The following PPFIA4 variants were observed in gnomAD, a reference collection of about 807,000 sequenced individuals.
PPFIA4 encodes liprin-alpha-4.
In PPFIA4, 98 loss-of-function variants were observed where a neutral mutation model predicts 145.7. That is an observed-to-expected ratio of 0.67 (90% CI 0.57 to 0.80). PPFIA4 has a LOEUF of 0.80. PPFIA4 is among the 30% of genes least tolerant of loss of function. PPFIA4 has a pLI of 0.00. For missense variants in PPFIA4, 1,457 were observed against 1,632.7 expected, an observed-to-expected ratio of 0.89 and a Z score of 1.85; for synonymous variants, 628 against 649.6, an observed-to-expected ratio of 0.97 and a Z score of 0.51.
At position 203,043,513 on chromosome 1, in the gene PPFIA4, C is replaced by A. The variant is rs970483946; in HGVS notation, c.336+15C>A. 1 of 1,596,502 alleles carries A rather than the reference C, an allele frequency of 6.3e-7. No individual in the cohort carries two copies. Among genetic ancestry groups the A allele is most frequent in the Admixed American group, 1.7e-5 (1 of 57,466 alleles). On this transcript the variant is annotated intron_variant, in intron 3 of 29. Coordinates refer to ENST00000295706, the MANE Select transcript of PPFIA4 (RefSeq NM_001304331.2). The surrounding 1 kb of genome is among the most constrained non-coding windows in gnomAD (Gnocchi z 4.4). The stretch of plus-strand genomic sequence containing the variant: ...ATAACACACGGGTAAGTGGGGATGA[C>A]CTTGTGTCGCGCGCGCGCACGTGTG...
In PPFIA4 at chr1:203,060,001, C is replaced by T. The variant is rs539355707; in HGVS notation, c.2583+150C>T. ...CCTAGCATTTAGCCCCCCTCCCCCTCCCCAACACACACACATACCAGTCGC... is the reference window on the plus strand; with the variant it reads ...CCTAGCATTTAGCCCCCCTCCCCCTTCCCAACACACACACATACCAGTCGC... On this transcript the variant is annotated intron_variant, in intron 21 of 29. Coordinates refer to ENST00000295706, the MANE Select transcript of PPFIA4 (RefSeq NM_001304331.2). The surrounding 1 kb of genome is among the most constrained non-coding windows in gnomAD (Gnocchi z 4.8). 5.7e-5 allele frequency: 45 copies of T among 788,550 alleles called. 1 individual carries two copies. In the African/African-American group the frequency reaches 7.0e-4, roughly 12 times the overall value. 48.8% of individuals were successfully genotyped at this position (788,550 alleles called of 1,614,324 possible).
chr1:203,045,045 A>G (rs998546001), intron 6 of PPFIA4, among the ~76,000 whole-genome samples: 5 of 152,194 alleles, frequency 3.3e-5, no homozygotes, highest in Non-Finnish European at 5.9e-5. Context: ...CTCATGTGGC[A>G]GCATCAGGCA....
chr1:203,054,953 C>T (rs920250338), intron 15 of PPFIA4, among the ~76,000 whole-genome samples: 5 of 152,118 alleles, frequency 3.3e-5, no homozygotes, highest in Admixed American at 2.6e-4. Context: ...TGTGCATGCA[C>T]TCCTTGCTGA....
rs1660273878 is a variant in PPFIA4, at chr1:203,048,772, G to T, written c.1356+58G>T. The T allele has an allele frequency of 6.4e-7, 1 of 1,567,208 alleles. No homozygotes were observed. The highest frequency in any genetic ancestry group is 8.7e-7 in the Non-Finnish European group (1 of 1,152,808). On this transcript the variant is annotated intron_variant, in intron 11 of 29. Coordinates refer to ENST00000295706, the MANE Select transcript of PPFIA4 (RefSeq NM_001304331.2). This position sits in a 1 kb window ranked among gnomAD's most constrained non-coding sequence, Gnocchi z 5.8. ...GTTAGTGCTGGGTGTGGGGCGGGGG[G>T]AGGCGGGACTGTGATGGGCGCAGGC...
At chr1:203,059,535 A>G (rs188587327) in intron 20 of PPFIA4, among the ~76,000 whole-genome samples, 1 of 152,314 alleles carries the variant, frequency 6.6e-6, no homozygotes, top group East Asian at 1.9e-4. Flanking sequence ...CTCTAAGTCA[A>G]TGTCAGGTCA....
At position 203,032,430 on chromosome 1, in the gene PPFIA4, T is replaced by TTTTTTTTTTTTTTG. The variant is rs57892403; in HGVS notation, c.-400+5803_-400+5804insTTTTTTTTTTTGTT. ...CTTGTAGTTCTCCCTTCCCCGCTTT[T>TTTTTTTTTTTTTTG]TTGTTGTTGTTGTTGTTTTTGAAAT... On this transcript the variant is annotated intron_variant, in intron 1 of 29. Coordinates refer to ENST00000295706, the MANE Select transcript of PPFIA4 (RefSeq NM_001304331.2). Among the ~76,000 whole-genome samples, 63 of 139,434 alleles carry TTTTTTTTTTTTTTG rather than the reference T, an allele frequency of 4.5e-4. 1 individual carries two copies. Among genetic ancestry groups the TTTTTTTTTTTTTTG allele is most frequent in the South Asian group, 2.3e-3 (10 of 4,298 alleles). 91.5% of individuals were successfully genotyped at this position (139,434 alleles called of 152,430 possible). A position where few individuals can be genotyped will look rare whatever the true frequency, so the allele number is the denominator to read the frequency against.
At chr1:203,064,822 C>G (rs1034493684) in intron 25 of PPFIA4, among the ~76,000 whole-genome samples, 6 of 152,232 alleles carry the variant, frequency 3.9e-5, no homozygotes, top group Non-Finnish European at 7.3e-5. Context: ...GCCTGCTTCT[C>G]TCACTTGTGT....
intron 27 of PPFIA4, among the ~76,000 whole-genome samples, chr1:203,071,011 G>T (rs1196063317): frequency 1.3e-5 from 2 of 150,960 alleles, no homozygotes; most frequent in East Asian, 3.9e-4. Flanking sequence ...TGGAGTGCAG[G>T]TGTGATCATA....
At chr1:203,046,933 A>G (rs1660129466) in intron 9 of PPFIA4, among the ~76,000 whole-genome samples, 1 of 152,236 alleles carries the variant, frequency 6.6e-6, no homozygotes, top group Non-Finnish European at 1.5e-5. Context: ...TTTAATGGAT[A>G]CTTTATGAAG....
intron 8 of PPFIA4, 82 bp downstream of exon 8, chr1:203,046,069 G>A: frequency 6.3e-7 from 1 of 1,593,136 alleles, no homozygotes; most frequent in Non-Finnish European, 8.6e-7. Flanking sequence ...GATGGCTGAG[G>A]AGCCCCTGGG....
chr1:203,074,114 G>C (rs186368508), intron 28 of PPFIA4, among the ~76,000 whole-genome samples: 1 of 152,150 alleles, frequency 6.6e-6, no homozygotes, highest in African/African-American at 2.4e-5. Flanking sequence ...AAGGGAAGGA[G>C]GTGAGAAAAG....
chr1:203,053,549 A>G (rs887354995), intron 14 of PPFIA4, among the ~76,000 whole-genome samples: 8 of 105,518 alleles, frequency 7.6e-5, no homozygotes, highest in Non-Finnish European at 1.7e-4. Flanking sequence ...CAAACAAACC[A>G]AAAACCAAAA....
intron 28 of PPFIA4, among the ~76,000 whole-genome samples, chr1:203,072,536 G>T (rs1305240134): frequency 6.6e-6 from 1 of 152,128 alleles, no homozygotes; most frequent in African/African-American, 2.4e-5. Flanking sequence ...GCCCCTCCTT[G>T]GCCCCCGCCT....
At chr1:203,062,174 T>C (rs185272530) in intron 24 of PPFIA4, among the ~76,000 whole-genome samples, 1 of 151,698 alleles carries the variant, frequency 6.6e-6, no homozygotes, top group East Asian at 1.9e-4. Context: ...ACCATGTCAA[T>C]AGGGATAAAA....
At chr1:203,053,051 T>C (rs982529511) in intron 14 of PPFIA4, among the ~76,000 whole-genome samples, 1 of 152,246 alleles carries the variant, frequency 6.6e-6, no homozygotes, top group Non-Finnish European at 1.5e-5. Context: ...CAGCTATCTA[T>C]GAGGTAAGTA....
At chr1:203,036,565 A>C (rs1202320886) in intron 1 of PPFIA4, among the ~76,000 whole-genome samples, 1 of 148,486 alleles carries the variant, frequency 6.7e-6, no homozygotes, top group African/African-American at 2.5e-5. Flanking sequence ...GTGGGGGAAG[A>C]TGGGGAGGTG....
rs1659880792 is a variant in PPFIA4 at position 203,043,955 on chromosome 1, C to T, written c.361C>T (p.Leu121=). 6.2e-7 allele frequency: 1 copy of T among 1,609,050 alleles called. No individual in the cohort carries two copies. The highest frequency in any genetic ancestry group is 1.1e-5 in the South Asian group (1 of 90,632). Residue 121 remains leucine, a synonymous_variant, in exon 4 of 30, where the codon CTG becomes TTG. Coordinates refer to ENST00000295706, the MANE Select transcript of PPFIA4 (RefSeq NM_001304331.2). The surrounding 1 kb of genome is among the most constrained non-coding windows in gnomAD (Gnocchi z 4.4). The stretch of plus-strand genomic sequence containing the variant: ...GCTGCTTCTGGAACATCTGGAGTGC[C>T]TGGTGTCCCGCCATGAACGGTCACT... ...TRLLLEHLEC[L]VSRHERSLRM... is the part of the protein sequence containing the mutation.
In PPFIA4 at chr1:203,048,923, G is replaced by A. The variant is rs758860676; in HGVS notation, c.1362G>A (p.Thr454=). 17 of 1,548,506 alleles carry A rather than the reference G, an allele frequency of 1.1e-5. No individual in the cohort carries two copies. The highest frequency in any genetic ancestry group is 7.8e-5 in the Admixed American group (4 of 50,984). ...TCACAGCTGCTCTCCCCCAGAACAC[G>A]TTGATCCAGGAGTTGGAGAGCTCCC... is the stretch of plus-strand genomic sequence containing the variant. ...ERMAALEEKN[T]LIQELESSQR... The change falls in exon 12 of 30, where the codon ACG becomes ACA. Residue 454 remains threonine, a synonymous_variant. Transcript: ENST00000295706. This position sits in a 1 kb window ranked among gnomAD's most constrained non-coding sequence, Gnocchi z 5.8.
chr1:203,048,801 G>T lies in PPFIA4; in HGVS notation c.1356+87G>T, dbSNP rs1420212991. Reference sequence around the variant, plus strand: ...CGGGACTGTGATGGGCGCAGGCGGGGTCTCAATGGGGTGGGTGGCCAGCCT... The same window carrying T: ...CGGGACTGTGATGGGCGCAGGCGGGTTCTCAATGGGGTGGGTGGCCAGCCT... On this transcript the variant is annotated intron_variant, in intron 11 of 29. Transcript: ENST00000295706. The surrounding 1 kb of genome is among the most constrained non-coding windows in gnomAD (Gnocchi z 5.8). 1.3e-6 allele frequency: 2 copies of T among 1,533,916 alleles called. No homozygotes were observed. The highest frequency in any genetic ancestry group is 1.8e-6 in the Non-Finnish European group (2 of 1,136,652).
Sources: gnomAD v4.1 joint callset for allele counts (sites outside exome capture counted in the v4.1 genomes callset) on GRCh38, gnomAD v4.1.1 for gene constraint, Gnocchi (gnomAD v3.1) non-coding constraint, MANE v1.5 for transcripts, NCBI Gene and HGNC (gene_info 2026-07-23, HGNC 2026-07-21) for gene names.